CDH13: variants seen among roughly 807,000 people sequenced by gnomAD.
The protein encoded by CDH13 is cadherin-13.
A neutral mutation model predicts 63.8 loss-of-function variants in CDH13; 24 were observed. The observed-to-expected ratio is 0.38, with a 90% CI of 0.27 to 0.53. The LOEUF (loss-of-function observed/expected upper bound fraction) is 0.53, where lower values mean the gene tolerates loss of function less well. Ranked by LOEUF, CDH13 falls within the 20% of genes least tolerant of loss-of-function variation. CDH13 has a pLI of 0.85. For missense variants in CDH13, 1,049 were observed against 903.1 expected (o/e 1.16, Z -2.07); for synonymous variants, 503 against 355.3 (o/e 1.42, Z -4.67).
chr16:83,208,375 G>A (rs2039242034), intron 4 of CDH13, among the ~76,000 whole-genome samples: 1 of 152,154 alleles, frequency 6.6e-6, no homozygotes, highest in Non-Finnish European at 1.5e-5. Context: ...CTAACCCACA[G>A]CTGAGAATTA....
intron 5 of CDH13, among the ~76,000 whole-genome samples, chr16:83,260,997 T>G (rs1218618498): frequency 6.6e-6 from 1 of 151,640 alleles, no homozygotes; most frequent in Non-Finnish European, 1.5e-5. Context: ...TGTGAGGCCA[T>G]TGGACTGAAG....
At chr16:83,684,866 G>A (rs1486547204) in intron 10 of CDH13, among the ~76,000 whole-genome samples, 2 of 152,168 alleles carry the variant, frequency 1.3e-5, no homozygotes, top group African/African-American at 2.4e-5. Context: ...CAGTGGCTCA[G>A]AGCAGACGGA....
chr16:83,239,792 G>T (rs1904303402), intron 5 of CDH13, among the ~76,000 whole-genome samples: 1 of 152,192 alleles, frequency 6.6e-6, no homozygotes, highest in Non-Finnish European at 1.5e-5. Context: ...GGAACTTACA[G>T]CAGAAGAGCA....
At chr16:83,254,535 A>T (rs1248438731) in intron 5 of CDH13, among the ~76,000 whole-genome samples, 1 of 152,196 alleles carries the variant, frequency 6.6e-6, no homozygotes, top group Non-Finnish European at 1.5e-5. Context: ...TATGGACAGG[A>T]TCCCCTGTGG....
At chr16:83,599,254 A>T (rs1907557658) in intron 7 of CDH13, among the ~76,000 whole-genome samples, 1 of 152,208 alleles carries the variant, frequency 6.6e-6, no homozygotes, top group Admixed American at 6.5e-5. Flanking sequence ...TGCTATGAGA[A>T]CTTTATCTCC....
chr16:83,524,445 C>CTTTTTTTTTTTT (rs150233410), intron 7 of CDH13, among the ~76,000 whole-genome samples: 30 of 59,270 alleles, frequency 5.1e-4, no homozygotes, highest in East Asian at 1.8e-3. Flanking sequence ...TTTCTTTTTT[C>CTTTTTTTTTTTT]TTTTTTTTTT....
intron 7 of CDH13, among the ~76,000 whole-genome samples, chr16:83,547,820 T>C (rs1182024999): frequency 1.3e-5 from 2 of 152,132 alleles, no homozygotes; most frequent in Non-Finnish European, 2.9e-5. Flanking sequence ...CCTCCAAGGC[T>C]GAAATAGATA....
intron 3 of CDH13, among the ~76,000 whole-genome samples, chr16:83,101,591 C>T (rs942871000): frequency 2.6e-5 from 4 of 152,000 alleles, no homozygotes; most frequent in African/African-American, 7.2e-5. Flanking sequence ...GTCAGGAGTT[C>T]GAGACCAGCC....
chr16:82,684,352 C>T (rs913207805), intron 1 of CDH13, among the ~76,000 whole-genome samples: 1 of 152,150 alleles, frequency 6.6e-6, no homozygotes, highest in Non-Finnish European at 1.5e-5. Context: ...CCTTAGATAA[C>T]ATCATGTGTC....
intron 1 of CDH13, among the ~76,000 whole-genome samples, chr16:82,852,554 T>G (rs932038922): frequency 1.3e-5 from 2 of 152,220 alleles, no homozygotes; most frequent in Non-Finnish European, 2.9e-5. Context: ...CAGTGCTTAG[T>G]CACATGTCTA....
At chr16:82,851,445 T>A (rs11150499) in intron 1 of CDH13, among the ~76,000 whole-genome samples, 700 of 17,432 alleles carry the variant, frequency 0.04, 59 homozygotes, top group South Asian at 0.069. Flanking sequence ...AAAAAAAAAA[T>A]AAAAAGAAAA....
At chr16:83,191,530 C>CATATATATATATAT (rs71376303) in intron 4 of CDH13, among the ~76,000 whole-genome samples, 52 of 74,366 alleles carry the variant, frequency 7.0e-4, no homozygotes, top group Admixed American at 1.3e-3. Context: ...CACACACACA[C>CATATATATATATAT]ATATATATAT....
intron 2 of CDH13, among the ~76,000 whole-genome samples, chr16:82,967,725 A>G (rs916887724): frequency 2.0e-5 from 3 of 152,214 alleles, no homozygotes; most frequent in African/African-American, 7.2e-5. Context: ...ACCTCATGGC[A>G]GTATTGTGTC....
intron 2 of CDH13, among the ~76,000 whole-genome samples, chr16:82,906,957 C>T (rs2041666318): frequency 1.3e-5 from 2 of 152,196 alleles, no homozygotes; most frequent in African/African-American, 2.4e-5. Flanking sequence ...AACTTTGTCA[C>T]ATCTGCAAAG....
intron 8 of CDH13, among the ~76,000 whole-genome samples, chr16:83,647,963 C>G (rs987273000): frequency 6.6e-6 from 1 of 152,164 alleles, no homozygotes; most frequent in Non-Finnish European, 1.5e-5. Flanking sequence ...CCTAAAGCCC[C>G]ACAACTGCCT....
chr16:83,491,388 T>C (rs943166190), intron 7 of CDH13, among the ~76,000 whole-genome samples: 2 of 152,204 alleles, frequency 1.3e-5, no homozygotes, highest in African/African-American at 4.8e-5. Context: ...TCTCTGTCTA[T>C]GTTTTTAAAC....
At chr16:82,907,092 T>C (rs989206563) in intron 2 of CDH13, among the ~76,000 whole-genome samples, 7 of 152,226 alleles carry the variant, frequency 4.6e-5, no homozygotes, top group Non-Finnish European at 8.8e-5. Flanking sequence ...TCTAGTTTAA[T>C]TGGCCTCTTA....
chr16:83,633,746 A>G (rs762594771), intron 8 of CDH13, among the ~76,000 whole-genome samples: 8 of 152,076 alleles, frequency 5.3e-5, no homozygotes, highest in Admixed American at 3.3e-4. Flanking sequence ...GCCCTTCAAA[A>G]CAGGTTGCGT....
chr16:83,024,067 A>G (rs1915584593), intron 2 of CDH13, among the ~76,000 whole-genome samples: 1 of 152,210 alleles, frequency 6.6e-6, no homozygotes, highest in African/African-American at 2.4e-5. Flanking sequence ...TTTGGATATC[A>G]TAGCCTTCCT....
Sources: gnomAD v4.1 joint callset for allele counts (sites outside exome capture counted in the v4.1 genomes callset) on GRCh38, gnomAD v4.1.1 for gene constraint, MANE v1.5 for transcripts, NCBI Gene and HGNC (gene_info 2026-07-23, HGNC 2026-07-21) for gene names.